Variants in RPS6KC1 observed in about 807,000 individuals in gnomAD.
The protein encoded by RPS6KC1 is ribosomal protein S6 kinase C1, also known as inactive ribosomal protein S6 kinase delta-1.
In RPS6KC1, 54 loss-of-function variants were observed where a neutral mutation model predicts 103.8. That is an observed-to-expected ratio of 0.52 (90% CI 0.42 to 0.65). RPS6KC1 has a LOEUF of 0.65. Ranked by LOEUF, RPS6KC1 falls within the 30% of genes least tolerant of loss-of-function variation. The probability of loss-of-function intolerance (pLI) is 0.00; values close to 1 mark genes in which losing one functional copy is unlikely to be tolerated. For synonymous variants in RPS6KC1, 439 were observed against 438.7 expected (o/e 1.00, Z -0.01); for missense variants, 1,151 against 1,253.8 (o/e 0.92, Z 1.24).
Position 213,272,733 on chromosome 1 carries a change from A to G in RPS6KC1, c.*99A>G. On this transcript the variant is annotated 3_prime_UTR_variant, in exon 15 of 15. Coordinates refer to ENST00000366960, the MANE Select transcript of RPS6KC1 (RefSeq NM_012424.6). ...ACTCACAGTTACTTATGGAGCACCA[A>G]AGCATTTGGATAAAGACCGTTATAG... 3.7e-6 allele frequency: 3 copies of G among 816,760 alleles called. No homozygotes were observed. The highest frequency in any genetic ancestry group is 2.6e-5 in the East Asian group (1 of 38,994). The allele number at this position is 816,760 out of a possible 1,614,324, so 50.6% of individuals were successfully genotyped here. A position where few individuals can be genotyped will look rare whatever the true frequency, so the allele number is the denominator to read the frequency against.
chr1:213,355,455 G>A, the RPS6KC1 span, among the ~76,000 whole-genome samples: 344 of 152,212 alleles, frequency 2.3e-3, 1 homozygote, highest in African/African-American at 7.9e-3. Context: ...CGGGCACGGG[G>A]CAGTTGAAGG....
chr1:213,516,366 T>C, the RPS6KC1 span, among the ~76,000 whole-genome samples: 1 of 152,150 alleles, frequency 6.6e-6, no homozygotes, highest in African/African-American at 2.4e-5. Context: ...GGCTGTGGGT[T>C]TGTCATAGAT....
chr1:213,204,569 GA>G (rs1438422491), intron 8 of RPS6KC1, among the ~76,000 whole-genome samples: 1 of 149,630 alleles, frequency 6.7e-6, no homozygotes, highest in African/African-American at 2.5e-5. Context: ...GTGCTGTAAG[GA>G]AAACATTTTT....
chr1:213,456,372 T>C, the RPS6KC1 span, among the ~76,000 whole-genome samples: 1 of 152,220 alleles, frequency 6.6e-6, no homozygotes, highest in South Asian at 2.1e-4. Flanking sequence ...CCTGGCTGTG[T>C]CCTGCTTCAT....
the RPS6KC1 span, among the ~76,000 whole-genome samples, chr1:213,515,037 G>GT: frequency 1.3e-5 from 2 of 152,146 alleles, no homozygotes; most frequent in Non-Finnish European, 2.9e-5. Context: ...CTTTTGAGAA[G>GT]TATCTCTTCA....
the RPS6KC1 span, among the ~76,000 whole-genome samples, chr1:213,760,061 C>T: frequency 1.9e-4 from 29 of 152,238 alleles, no homozygotes; most frequent in Non-Finnish European, 3.8e-4. Context: ...ATTCTGTCAG[C>T]ATGCCAGTCG....
intron 8 of RPS6KC1, among the ~76,000 whole-genome samples, chr1:213,193,268 C>CT (rs2092817906): frequency 6.6e-6 from 1 of 151,724 alleles, no homozygotes; most frequent in South Asian, 2.1e-4. Flanking sequence ...TTTCTTTTTT[C>CT]TTTTTTCTGA....
chr1:213,155,865 A>T (rs1402491325), intron 6 of RPS6KC1, among the ~76,000 whole-genome samples: 1 of 152,142 alleles, frequency 6.6e-6, no homozygotes, highest in Non-Finnish European at 1.5e-5. Context: ...CACTCTCTCA[A>T]ATCGTAAAAG....
chr1:213,086,290 A>G (rs2080389214), intron 3 of RPS6KC1, among the ~76,000 whole-genome samples: 1 of 152,172 alleles, frequency 6.6e-6, no homozygotes, highest in Non-Finnish European at 1.5e-5. Flanking sequence ...TTTTGTTGTC[A>G]GTTACTGCCT....
At chr1:213,151,065 C>T (rs1433503924) in intron 6 of RPS6KC1, among the ~76,000 whole-genome samples, 7 of 122,068 alleles carry the variant, frequency 5.7e-5, no homozygotes, top group Non-Finnish European at 8.7e-5. Flanking sequence ...CCAGTAGGGG[C>T]GGCCGGGCAG....
At chr1:213,178,493 A>G (rs560874493) in intron 8 of RPS6KC1, among the ~76,000 whole-genome samples, 17 of 151,914 alleles carry the variant, frequency 1.1e-4, no homozygotes, top group African/African-American at 3.4e-4. Context: ...ATGAGCCGAG[A>G]TTGTGCCACT....
chr1:213,729,186 T>G, the RPS6KC1 span, among the ~76,000 whole-genome samples: 1 of 152,058 alleles, frequency 6.6e-6, no homozygotes, highest in Non-Finnish European at 1.5e-5. Context: ...ACTATTTCCC[T>G]AGGAGCCAGA....
Position 213,077,719 on chromosome 1 carries a change from T to G in RPS6KC1, c.165T>G (p.Ser55Arg). ...VQEIIVWKRY[S>R]DFKKLHKELW... ...AGATAATTGTATGGAAGAGATACAG[T>G]GATTTTAAGAAACTACACAAAGAAC... Residue 55 changes from serine (S) to arginine (R), a missense_variant, in exon 3 of 15, where the codon AGT becomes AGG. Physicochemically the swap from Ser to Arg is moderately radical, Grantham distance 110. Transcript: ENST00000366960. The G allele has an allele frequency of 6.7e-7, 1 of 1,487,880 alleles. No individual in the cohort carries two copies. 92.2% of individuals were successfully genotyped at this position (1,487,880 alleles called of 1,614,324 possible).
chr1:213,754,366 C>G, the RPS6KC1 span, among the ~76,000 whole-genome samples: 1 of 152,132 alleles, frequency 6.6e-6, no homozygotes, highest in Non-Finnish European at 1.5e-5. Context: ...TCTCAAAGGC[C>G]CTTGATATGG....
At chr1:213,115,371 T>G (rs1394252876) in intron 4 of RPS6KC1, among the ~76,000 whole-genome samples, 1 of 152,202 alleles carries the variant, frequency 6.6e-6, no homozygotes, top group Non-Finnish European at 1.5e-5. Flanking sequence ...CTGATGGTAG[T>G]TTGTATTTCT....
the RPS6KC1 span, among the ~76,000 whole-genome samples, chr1:213,302,326 C>T: frequency 6.6e-6 from 1 of 152,264 alleles, no homozygotes; most frequent in Non-Finnish European, 1.5e-5. Flanking sequence ...CTATTGTGTT[C>T]ATTGGCTCCT....
intron 4 of RPS6KC1, among the ~76,000 whole-genome samples, chr1:213,116,702 T>C (rs1490671292): frequency 6.6e-6 from 1 of 152,020 alleles, no homozygotes; most frequent in East Asian, 1.9e-4. Context: ...AGTTGTTCCT[T>C]TCCATGTTTA....
chr1:213,827,812 C>T, the RPS6KC1 span, among the ~76,000 whole-genome samples: 1 of 152,064 alleles, frequency 6.6e-6, no homozygotes, highest in Non-Finnish European at 1.5e-5. Context: ...GGAATGCAGC[C>T]CCCAGCTTTC....
At chr1:213,629,643 T>C in the RPS6KC1 span, among the ~76,000 whole-genome samples, 1 of 152,174 alleles carries the variant, frequency 6.6e-6, no homozygotes, top group Non-Finnish European at 1.5e-5. Flanking sequence ...TAGCTGGTTA[T>C]TTTGCTCGTT....
Sources: gnomAD v4.1 joint callset for allele counts (sites outside exome capture counted in the v4.1 genomes callset) on GRCh38, gnomAD v4.1.1 for gene constraint, MANE v1.5 for transcripts, NCBI Gene and HGNC (gene_info 2026-07-23, HGNC 2026-07-21) for gene names.